The following CMSS1 variants were observed in gnomAD, a reference collection of about 807,000 sequenced individuals.
CMSS1 encodes the protein protein CMSS1.
Under a neutral mutation model 43.5 loss-of-function variants are expected in CMSS1, and 33 were observed. The observed-to-expected ratio is 0.76, with a 90% CI of 0.57 to 1.01. CMSS1 has a LOEUF of 1.01. Among genes scored for constraint, CMSS1 ranks in the 50% least tolerant of loss-of-function variants. The probability of loss-of-function intolerance (pLI) is 0.00; values close to 1 mark genes in which losing one functional copy is unlikely to be tolerated. For synonymous variants in CMSS1, 115 were observed against 117.2 expected (o/e 0.98, Z 0.12); for missense variants, 313 against 326.4 (o/e 0.96, Z 0.32).
chr3:99,945,767 G>A (rs1254442213), intron 1 of CMSS1, among the ~76,000 whole-genome samples: 2 of 152,164 alleles, frequency 1.3e-5, no homozygotes, highest in Admixed American at 1.3e-4. Context: ...GTTGACACAG[G>A]AAGCCTTCAT....
chr3:100,119,636 A>G (rs896085977), intron 1 of CMSS1, among the ~76,000 whole-genome samples: 3 of 152,228 alleles, frequency 2.0e-5, no homozygotes, highest in Non-Finnish European at 4.4e-5. Context: ...CCAAATGAAC[A>G]AAGGATGAGA....
chr3:99,820,322 G>A (rs1323155707), intron 1 of CMSS1, among the ~76,000 whole-genome samples: 6 of 150,342 alleles, frequency 4.0e-5, no homozygotes, highest in South Asian at 2.1e-4. Context: ...TCAGCCTCCC[G>A]AGTAGTTGGG....
At chr3:100,012,738 T>C (rs1327885480) in intron 1 of CMSS1, among the ~76,000 whole-genome samples, 1 of 151,640 alleles carries the variant, frequency 6.6e-6, no homozygotes, top group Non-Finnish European at 1.5e-5. Context: ...GATGGATTGA[T>C]TTCTGGATCC....
chr3:99,957,378 ATGT>A (rs1708349780), intron 1 of CMSS1, among the ~76,000 whole-genome samples: 1 of 152,214 alleles, frequency 6.6e-6, no homozygotes, highest in African/African-American at 2.4e-5. Context: ...TGAAGCCAGA[ATGT>A]TGTTTTTTTC....
intron 1 of CMSS1, among the ~76,000 whole-genome samples, chr3:100,094,445 CTT>C (rs1346642310): frequency 2.6e-5 from 4 of 152,036 alleles, no homozygotes; most frequent in Non-Finnish European, 4.4e-5. Flanking sequence ...TACAGTGTAA[CTT>C]ATCAATTTTT....
At chr3:100,027,288 T>C (rs762764946) in intron 1 of CMSS1, among the ~76,000 whole-genome samples, 6 of 152,200 alleles carry the variant, frequency 3.9e-5, no homozygotes, top group Non-Finnish European at 5.9e-5. Context: ...TGTGTATTTG[T>C]TCACTGCTGT....
chr3:100,167,738 T>G lies in CMSS1; in HGVS notation c.416T>G (p.Ile139Ser). Residue 139 changes from isoleucine to serine, a missense_variant and splice_region_variant, in exon 6 of 10, where the codon ATT becomes AGT. Transcript: ENST00000421999. ...AATTGTTTTCTGTTCTTTTTTCCAGTTTGTCCTAAGTGGGTAAAACTTAGG... is the reference window on the plus strand; with the variant it reads ...AATTGTTTTCTGTTCTTTTTTCCAGGTTGTCCTAAGTGGGTAAAACTTAGG... ...THSLSSYLKEICPKWVKLRKN... is the reference protein window; with the variant it reads ...THSLSSYLKESCPKWVKLRKN... 2 of 1,600,810 alleles carry G rather than the reference T, an allele frequency of 1.2e-6. No homozygotes were observed. Among genetic ancestry groups the G allele is most frequent in the Non-Finnish European group, 1.7e-6 (2 of 1,172,668 alleles).
At chr3:100,089,614 T>C (rs1255952964) in intron 1 of CMSS1, among the ~76,000 whole-genome samples, 1 of 152,238 alleles carries the variant, frequency 6.6e-6, no homozygotes, top group Non-Finnish European at 1.5e-5. Context: ...TTTCCCATTA[T>C]GGTTCTTTAT....
intron 1 of CMSS1, among the ~76,000 whole-genome samples, chr3:99,986,332 C>T (rs2107114196): frequency 6.6e-6 from 1 of 152,230 alleles, no homozygotes; most frequent in South Asian, 2.1e-4. Flanking sequence ...ACTCCATTGC[C>T]ATAAAGACAT....
chr3:99,924,468 T>A, intron 1 of CMSS1: 1 of 1,492,526 alleles, frequency 6.7e-7, no homozygotes, highest in Non-Finnish European at 9.2e-7. Context: ...TGTCTTTCAC[T>A]CTTTTAGAAA....
intron 1 of CMSS1, among the ~76,000 whole-genome samples, chr3:99,957,553 C>T (rs972739541): frequency 3.9e-5 from 6 of 152,018 alleles, no homozygotes; most frequent in Non-Finnish European, 5.9e-5. Context: ...CTCTTAATCA[C>T]TTCTTTAATA....
chr3:99,991,341 C>T (rs956173332), intron 1 of CMSS1, among the ~76,000 whole-genome samples: 4 of 152,048 alleles, frequency 2.6e-5, no homozygotes, highest in African/African-American at 4.8e-5. Flanking sequence ...CAGTGAATGT[C>T]GCTGGTGAGG....
chr3:99,903,372 C>T (rs549359624), intron 1 of CMSS1, among the ~76,000 whole-genome samples: 14 of 152,140 alleles, frequency 9.2e-5, no homozygotes, highest in African/African-American at 3.4e-4. Flanking sequence ...CTGCCTCAGC[C>T]TCCTGAGTAG....
At chr3:99,857,406 G>A (rs933048973) in intron 1 of CMSS1, among the ~76,000 whole-genome samples, 3 of 152,162 alleles carry the variant, frequency 2.0e-5, no homozygotes, top group Non-Finnish European at 2.9e-5. Flanking sequence ...AACAGGGTTA[G>A]GTGGTAAACG....
At chr3:100,147,807 A>AT (rs1223994229) in intron 2 of CMSS1, among the ~76,000 whole-genome samples, 1 of 152,166 alleles carries the variant, frequency 6.6e-6, no homozygotes, top group Non-Finnish European at 1.5e-5. Context: ...TGTCATATGC[A>AT]TTCTTAACAG....
chr3:100,119,640 G>A (rs1014436171), intron 1 of CMSS1, among the ~76,000 whole-genome samples: 3 of 152,176 alleles, frequency 2.0e-5, no homozygotes, highest in Admixed American at 6.5e-5. Flanking sequence ...ATGAACAAAG[G>A]ATGAGAGTAG....
chr3:99,938,863 C>T (rs73858967), intron 1 of CMSS1, among the ~76,000 whole-genome samples: 1 of 152,020 alleles, frequency 6.6e-6, no homozygotes, highest in Non-Finnish European at 1.5e-5. Flanking sequence ...TATTGCCCTA[C>T]TCACCCACAT....
At chr3:99,966,662 C>T (rs943349279) in intron 1 of CMSS1, among the ~76,000 whole-genome samples, 2 of 152,170 alleles carry the variant, frequency 1.3e-5, no homozygotes, top group Non-Finnish European at 2.9e-5. Flanking sequence ...CATTTTCAAC[C>T]TTCAAACTCT....
intron 1 of CMSS1, among the ~76,000 whole-genome samples, chr3:100,142,030 C>CA (rs2066809673): frequency 1.3e-5 from 2 of 152,166 alleles, no homozygotes; most frequent in African/African-American, 4.8e-5. Context: ...CTTTTGGAAT[C>CA]AAAAAACATC....
Sources: allele counts gnomAD v4.1 joint callset (sites outside exome capture counted in the v4.1 genomes callset), GRCh38; gene constraint gnomAD v4.1.1; transcripts MANE v1.5; gene names NCBI Gene and HGNC (gene_info 2026-07-23, HGNC 2026-07-21).